DOCK5: variants seen among roughly 807,000 people sequenced by gnomAD.
DOCK5 encodes dedicator of cytokinesis protein 5.
DOCK5 carries 142 observed loss-of-function variants against 251.8 expected under a neutral mutation model. The ratio of observed to expected loss-of-function variants is 0.56; its 90% CI spans 0.49 to 0.65. The LOEUF (loss-of-function observed/expected upper bound fraction) is 0.65. DOCK5 is among the 30% of genes least tolerant of loss of function. DOCK5 has a pLI of 0.00. For missense variants in DOCK5, 2,111 were observed against 2,312.3 expected (o/e 0.91, Z 1.79); for synonymous variants, 842 against 835.5 (o/e 1.01, Z -0.13).
chr8:25,215,932 T>TAC (rs199685009), intron 1 of DOCK5, among the ~76,000 whole-genome samples: 9,968 of 141,096 alleles, frequency 0.071, 346 homozygotes, highest in Middle Eastern at 0.11. Context: ...TGGAAATAAA[T>TAC]ACACACACAC....
At chr8:25,248,776 G>A (rs1198373656) in intron 2 of DOCK5, among the ~76,000 whole-genome samples, 1 of 152,084 alleles carries the variant, frequency 6.6e-6, no homozygotes, top group African/African-American at 2.4e-5. Context: ...CTGGTATACG[G>A]CAGGTGCTCA....
chr8:25,191,520 T>C (rs1480990230), intron 1 of DOCK5, among the ~76,000 whole-genome samples: 1 of 152,242 alleles, frequency 6.6e-6, no homozygotes, highest in East Asian at 1.9e-4. Context: ...ATTTCTGATA[T>C]GGCAAGTTGT....
rs187387430 is a variant in DOCK5 at position 25,272,312 on chromosome 8, A to T, written c.169-3074A>T. 4.7e-3 allele frequency among the ~76,000 whole-genome samples: 722 copies of T among 152,330 alleles called. 10 individuals carry two copies. The highest frequency in any genetic ancestry group is 0.016 in the African/African-American group (686 of 41,578). ...CTAAAGTGCTGGGATTACAAGCATG[A>T]TCCACTGTGCCTTGCCTCAAATATT... is the stretch of plus-strand genomic sequence containing the variant. On this transcript the variant is annotated intron_variant, in intron 3 of 51. Transcript: ENST00000276440.
intron 2 of DOCK5, among the ~76,000 whole-genome samples, chr8:25,247,400 C>T (rs376637506): frequency 6.6e-6 from 1 of 151,988 alleles, no homozygotes; most frequent in Non-Finnish European, 1.5e-5. Flanking sequence ...AGTTCAAGAC[C>T]AGCCTGGGCA....
At chr8:25,360,656 CA>C (rs1417785998) in intron 28 of DOCK5, among the ~76,000 whole-genome samples, 2 of 152,184 alleles carry the variant, frequency 1.3e-5, no homozygotes, top group Non-Finnish European at 2.9e-5. Flanking sequence ...TGCTTGGCTC[CA>C]TGCATGGGAA....
At chr8:25,334,237 G>T in intron 21 of DOCK5, 41 bp downstream of exon 21, 1 of 1,494,936 alleles carries the variant, frequency 6.7e-7, no homozygotes, top group South Asian at 1.1e-5. Flanking sequence ...TTGGATCTTT[G>T]GATTTGTACT....
At chr8:25,373,562 G>A (rs1800912098) in intron 35 of DOCK5, 56 bp from the exon 36 acceptor site, 1 of 1,502,480 alleles carries the variant, frequency 6.7e-7, no homozygotes, top group Non-Finnish European at 9.0e-7. Flanking sequence ...GTCTATTTTT[G>A]TGTCAATAGC....
intron 1 of DOCK5, among the ~76,000 whole-genome samples, chr8:25,187,064 G>A (rs1392925811): frequency 6.6e-6 from 1 of 151,522 alleles, no homozygotes; most frequent in Non-Finnish European, 1.5e-5. Flanking sequence ...AGCCGGGCAT[G>A]GTCGCCTGTG....
chr8:25,349,504 A>G (rs1800429143), intron 26 of DOCK5, among the ~76,000 whole-genome samples: 2 of 152,242 alleles, frequency 1.3e-5, no homozygotes, highest in South Asian at 4.1e-4. Context: ...AATAGCAAAG[A>G]TATGAAACCC....
At chr8:25,324,836 C>T (rs1805521540) in intron 17 of DOCK5, among the ~76,000 whole-genome samples, 1 of 148,308 alleles carries the variant, frequency 6.7e-6, no homozygotes, top group Non-Finnish European at 1.5e-5. Context: ...GTGATGTTCC[C>T]CTTCCTGTGT....
At position 25,337,585 on chromosome 8, in the gene DOCK5, C is replaced by CTT. The variant is rs71549899; in HGVS notation, c.2327+1229_2327+1230dup. Among the ~76,000 whole-genome samples, 164 of 128,624 alleles carry CTT rather than the reference C, an allele frequency of 1.3e-3. 1 individual carries two copies. The highest frequency in any genetic ancestry group is 4.3e-3 in the African/African-American group (146 of 34,090). The allele number at this position is 128,624 out of a possible 152,430, so 84.4% of individuals were successfully genotyped here. A position where few individuals can be genotyped will look rare whatever the true frequency, so the allele number is the denominator to read the frequency against. ...TGAGGAAAGACGACCATGATAGATTCTTTTTTTTTTTTTTTTTTGAGATGG... is the reference window on the plus strand; with the variant it reads ...TGAGGAAAGACGACCATGATAGATTCTTTTTTTTTTTTTTTTTTTTGAGATGG... On this transcript the variant is annotated intron_variant, in intron 22 of 51. Coordinates refer to ENST00000276440, the MANE Select transcript of DOCK5 (RefSeq NM_024940.8).
At chr8:25,354,049 CAAACAAAAAAAAAAA>C (rs1563213073) in intron 27 of DOCK5, among the ~76,000 whole-genome samples, 6 of 23,262 alleles carry the variant, frequency 2.6e-4, no homozygotes, top group East Asian at 7.3e-4. Flanking sequence ...AAAAAAAAAA[CAAACAAAAAAAAAAA>C]CGTAGGAGAG....
intron 2 of DOCK5, among the ~76,000 whole-genome samples, chr8:25,258,749 A>G (rs75730382): frequency 0.036 from 5,414 of 152,244 alleles, 113 homozygotes; most frequent in South Asian, 0.067. Flanking sequence ...TCTCATTGCT[A>G]TATTCATCAG....
At chr8:25,259,605 A>G (rs1046915351) in intron 2 of DOCK5, among the ~76,000 whole-genome samples, 4 of 152,054 alleles carry the variant, frequency 2.6e-5, no homozygotes, top group African/African-American at 7.2e-5. Flanking sequence ...ACAGGCATAC[A>G]TCATCACCAG....
chr8:25,321,898 C>CA (rs1414680303), intron 16 of DOCK5, among the ~76,000 whole-genome samples: 1 of 152,114 alleles, frequency 6.6e-6, no homozygotes, highest in East Asian at 1.9e-4. Flanking sequence ...GTTCACAATG[C>CA]GTGTTGCCAT....
chr8:25,191,723 A>G (rs1465893047), intron 1 of DOCK5, among the ~76,000 whole-genome samples: 1 of 151,914 alleles, frequency 6.6e-6, no homozygotes, highest in African/African-American at 2.4e-5. Context: ...TTTCTCATCC[A>G]TGGCCATATA....
chr8:25,301,989 G>A (rs1804777542), intron 9 of DOCK5, among the ~76,000 whole-genome samples: 1 of 152,140 alleles, frequency 6.6e-6, no homozygotes, highest in Admixed American at 6.6e-5. Context: ...GCTGAGATAC[G>A]TCCAAAGATA....
At position 25,380,322 on chromosome 8, in the gene DOCK5, C is replaced by G; in HGVS notation, c.3954C>G (p.Ile1318Met). 6.2e-7 allele frequency: 1 copy of G among 1,611,428 alleles called. No individual in the cohort carries two copies. The highest frequency in any genetic ancestry group is 8.5e-7 in the Non-Finnish European group (1 of 1,178,764). The change falls in exon 39 of 52, where the codon ATC (isoleucine) becomes ATG (methionine). Residue 1318 changes from isoleucine (I) to methionine (M), a missense_variant. Coordinates refer to ENST00000276440, the MANE Select transcript of DOCK5 (RefSeq NM_024940.8). ...TTCTGAAGATGTGGGAGAAGGCCAT[C>G]AAGCTGAGCAAAGAGTTGGCTGAGA... ...FDKGKMWEKA[I>M]KLSKELAETY... is the part of the protein sequence containing the mutation.
intron 48 of DOCK5, among the ~76,000 whole-genome samples, chr8:25,405,010 GT>G (rs1377253262): frequency 3.3e-5 from 5 of 151,944 alleles, no homozygotes. Flanking sequence ...CTTTTCATTT[GT>G]TTGTAGTTTT....
Sources: allele counts gnomAD v4.1 joint callset (sites outside exome capture counted in the v4.1 genomes callset), GRCh38; gene constraint gnomAD v4.1.1; transcripts MANE v1.5; gene names NCBI Gene and HGNC (gene_info 2026-07-23, HGNC 2026-07-21).